Variants in RMDN2 observed in about 807,000 individuals in gnomAD.
The protein encoded by RMDN2 is regulator of microtubule dynamics 2.
A neutral mutation model predicts 52.8 loss-of-function variants in RMDN2; 61 were observed. That is an observed-to-expected ratio of 1.16 (90% CI 0.94 to 1.43). The LOEUF (loss-of-function observed/expected upper bound fraction) is 1.43. RMDN2 is among the 40% of genes most tolerant of loss of function. RMDN2 has a pLI of 0.00. For missense variants in RMDN2, 592 were observed against 475.3 expected (o/e 1.25, Z -2.28); for synonymous variants, 180 against 153.1 (o/e 1.18, Z -1.30).
At chr2:38,007,029 C>T (rs1364700643) in intron 10 of RMDN2, among the ~76,000 whole-genome samples, 3 of 152,302 alleles carry the variant, frequency 2.0e-5, no homozygotes, top group African/African-American at 7.2e-5. Flanking sequence ...GTATGTTGAA[C>T]CAGCCTTGCA....
At position 37,939,706 on chromosome 2, in the gene RMDN2, G is replaced by A. The variant is rs143943729; in HGVS notation, c.452+9977G>A. On this transcript the variant is annotated intron_variant, in intron 2 of 10. Transcript: ENST00000354545. ...GTCTGTTTTATCAGAGACTAGTATT[G>A]CAAACCCTGCTTTTTTTAGCTTTCC... Among the ~76,000 whole-genome samples the A allele has an allele frequency of 2.1e-3, 318 of 152,186 alleles. 1 individual carries two copies. Among genetic ancestry groups the A allele is most frequent in the African/African-American group, 7.3e-3 (305 of 41,506 alleles).
chr2:37,975,152 A>C (rs537932759), intron 3 of RMDN2, 60 bp from the exon 4 acceptor site: 48 of 991,100 alleles, frequency 4.8e-5, no homozygotes, highest in South Asian at 1.4e-5. Context: ...GTAGAAAACA[A>C]GAATAGAATA....
At chr2:38,010,857 C>G (rs748510183) in intron 10 of RMDN2, among the ~76,000 whole-genome samples, 2 of 152,164 alleles carry the variant, frequency 1.3e-5, no homozygotes, top group Non-Finnish European at 2.9e-5. Flanking sequence ...TGGCTCCACC[C>G]CAGAGTTTTC....
At chr2:38,029,921 C>T (rs1408386523) in intron 10 of RMDN2, 1 of 152,154 alleles carries the variant, frequency 6.6e-6, no homozygotes, top group Non-Finnish European at 1.5e-5. Context: ...CACGTCTTAC[C>T]TGGTGGCAGG....
At chr2:37,922,073 T>C (rs1351679264), upstream of RMDN2, among the ~76,000 whole-genome samples, 1 of 152,178 alleles carries the variant, frequency 6.6e-6, no homozygotes, top group Non-Finnish European at 1.5e-5. Context: ...TCTCTCTCAA[T>C]GGTTAGGGTG....
chr2:37,929,297 A>G lies in RMDN2; in HGVS notation c.20A>G (p.Lys7Arg), dbSNP rs1666532501. MPYSTNKELILGIMVGT... is the reference protein window; with the variant it reads MPYSTNRELILGIMVGT... Reference sequence around the variant, plus strand: ...CAAGAAATGCCTTATTCCACAAACAAAGAGTTGATACTTGGCATCATGGTG... The same window carrying G: ...CAAGAAATGCCTTATTCCACAAACAGAGAGTTGATACTTGGCATCATGGTG... Residue 7 changes from lysine (K) to arginine (R), a missense_variant, in exon 2 of 11, where the codon AAA becomes AGA. By Grantham distance (26) the Lys-to-Arg change is conservative. Transcript: ENST00000354545. 6.5e-7 allele frequency: 1 copy of G among 1,531,470 alleles called. No homozygotes were observed. The highest frequency in any genetic ancestry group is 8.8e-7 in the Non-Finnish European group (1 of 1,137,780). The allele number at this position is 1,531,470 out of a possible 1,614,324, so 94.9% of individuals were successfully genotyped here.
Position 37,951,469 on chromosome 2 carries a change from A to G in RMDN2, c.452+21740A>G. On this transcript the variant is annotated intron_variant, in intron 2 of 10. Coordinates refer to ENST00000354545, the MANE Select transcript of RMDN2 (RefSeq NM_001170791.3). ...TATTCTTTATTTGTTGGATTTCAAA[A>G]AAGAAATGCTTCCCCTTACTGGCAA... 1.9e-6 allele frequency: 3 copies of G among 1,612,428 alleles called. No individual in the cohort carries two copies. The East Asian group carries it at 6.7e-5, about 36-fold the overall frequency.
upstream of RMDN2, among the ~76,000 whole-genome samples, chr2:37,924,760 G>A (rs1333914587): frequency 6.6e-6 from 1 of 152,238 alleles, no homozygotes; most frequent in Non-Finnish European, 1.5e-5. Flanking sequence ...TGAAAAAACA[G>A]CGGCTTTCAT....
intron 2 of RMDN2, among the ~76,000 whole-genome samples, chr2:37,973,422 A>C (rs1672052791): frequency 6.6e-6 from 1 of 152,244 alleles, no homozygotes; most frequent in Non-Finnish European, 1.5e-5. Context: ...TTCAGTGAAT[A>C]GTGCTGTTCT....
intron 2 of RMDN2, among the ~76,000 whole-genome samples, chr2:37,969,193 G>T (rs1671475104): frequency 6.6e-6 from 1 of 151,610 alleles, no homozygotes; most frequent in Non-Finnish European, 1.5e-5. Flanking sequence ...AAATTGTCTT[G>T]GCTCTTCTTG....
intron 7 of RMDN2, among the ~76,000 whole-genome samples, chr2:37,992,731 C>T (rs567441245): frequency 1.4e-4 from 21 of 152,214 alleles, no homozygotes; most frequent in Admixed American, 9.2e-4. Flanking sequence ...GAATAAAAAG[C>T]AGTAGTAATA....
intron 10 of RMDN2, among the ~76,000 whole-genome samples, chr2:38,039,047 T>TACACACACACACACACAA (rs1461693105): frequency 7.9e-6 from 1 of 127,292 alleles, no homozygotes; most frequent in Non-Finnish European, 1.8e-5. Context: ...CCAGATGCTA[T>TACACACACACACACACAA]ACACACACAC....
intron 10 of RMDN2, among the ~76,000 whole-genome samples, chr2:38,066,284 C>A (rs982591190): frequency 1.3e-5 from 2 of 152,310 alleles, no homozygotes; most frequent in Admixed American, 1.3e-4. Flanking sequence ...ATGAAGAGCA[C>A]AGCATTTGTC....
intron 2 of RMDN2, among the ~76,000 whole-genome samples, chr2:37,948,092 C>G (rs1393062690): frequency 6.6e-6 from 1 of 152,216 alleles, no homozygotes; most frequent in Non-Finnish European, 1.5e-5. Context: ...CACAGCTACT[C>G]AAATTGTGGT....
At chr2:37,955,508 C>T (rs1669332473) in intron 2 of RMDN2, among the ~76,000 whole-genome samples, 1 of 151,788 alleles carries the variant, frequency 6.6e-6, no homozygotes, top group African/African-American at 2.4e-5. Flanking sequence ...TGGCTGTGTC[C>T]CCACCCAAAT....
Position 37,929,334 on chromosome 2 carries a change from A to C in RMDN2, c.57A>C (p.Gly19=). ...LILGIMVGTA[G]ISLLLLWYHK... ...TTGGCATCATGGTGGGCACTGCTGGAATCAGCTTGCTGCTCTTGTGGTACC... is the reference window on the plus strand; with the variant it reads ...TTGGCATCATGGTGGGCACTGCTGGCATCAGCTTGCTGCTCTTGTGGTACC... The change falls in exon 2 of 11, where the codon GGA becomes GGC. Residue 19 remains glycine, a synonymous_variant. Coordinates refer to ENST00000354545, the MANE Select transcript of RMDN2 (RefSeq NM_001170791.3). The C allele has an allele frequency of 6.4e-7, 1 of 1,551,976 alleles. No homozygotes were observed. Among genetic ancestry groups the C allele is most frequent in the Non-Finnish European group, 8.7e-7 (1 of 1,146,968 alleles).
At chr2:38,018,429 G>A (rs1032087685), downstream of RMDN2, among the ~76,000 whole-genome samples, 1 of 152,212 alleles carries the variant, frequency 6.6e-6, no homozygotes, top group Non-Finnish European at 1.5e-5. Context: ...ATCATAAAGA[G>A]TAAAGTGCAG....
At chr2:37,978,898 T>TA (rs1672936785) in intron 4 of RMDN2, among the ~76,000 whole-genome samples, 1 of 152,186 alleles carries the variant, frequency 6.6e-6, no homozygotes. Flanking sequence ...AAGTCTTTCT[T>TA]ATGGAAGTTA....
chr2:38,049,474 C>G (rs556513096), intron 10 of RMDN2, among the ~76,000 whole-genome samples: 1 of 152,306 alleles, frequency 6.6e-6, no homozygotes, highest in African/African-American at 2.4e-5. Context: ...TTATTTAATT[C>G]TGTGTTTTAT....
Sources: allele counts gnomAD v4.1 joint callset (sites outside exome capture counted in the v4.1 genomes callset), GRCh38; gene constraint gnomAD v4.1.1; transcripts MANE v1.5; gene names NCBI Gene and HGNC (gene_info 2026-07-23, HGNC 2026-07-21).